The following TRIO variants were observed in gnomAD, a reference collection of about 807,000 sequenced individuals.
TRIO encodes the protein trio Rho guanine nucleotide exchange factor.
In TRIO, 58 loss-of-function variants were observed where a neutral mutation model predicts 351.9. That is an observed-to-expected ratio of 0.16 (90% confidence interval 0.13 to 0.21). TRIO has a LOEUF of 0.21. TRIO is among the 10% of genes least tolerant of loss of function. The probability of loss-of-function intolerance (pLI) is 1.00; values close to 1 mark genes in which losing one functional copy is unlikely to be tolerated. For missense variants in TRIO, 3,201 were observed against 4,027.8 expected, an observed-to-expected ratio of 0.79 and a Z score of 5.56; for synonymous variants, 1,758 against 1,595.7, an observed-to-expected ratio of 1.10 and a Z score of -2.42.
Position 14,472,573 on chromosome 5 carries a change from CAA to C in TRIO, c.5913-18_5913-17del. 6.2e-7 allele frequency: 1 copy of C among 1,613,286 alleles called. No homozygotes were observed. Among genetic ancestry groups the C allele is most frequent in the African/African-American group, 1.3e-5 (1 of 75,044 alleles). On this transcript the variant is annotated splice_polypyrimidine_tract_variant and intron_variant, in intron 38 of 56. Coordinates refer to ENST00000344204, the MANE Select transcript of TRIO (RefSeq NM_007118.4). ...TTTAGAAAACAGTTTGCATGATAAA[CAA>C]TATTTTTTCTCTCCAGCTACGTTTT...
At chr5:14,390,440 G>A in intron 26 of TRIO, 140 bp downstream of exon 26, 1 of 732,668 alleles carries the variant, frequency 1.4e-6, no homozygotes, top group Non-Finnish European at 2.2e-6. Flanking sequence ...TTACCTCAAA[G>A]AATTGCATAC....
chr5:14,200,968 A>C (rs112817802), intron 1 of TRIO, among the ~76,000 whole-genome samples: 11 of 152,306 alleles, frequency 7.2e-5, no homozygotes, highest in African/African-American at 2.6e-4. Flanking sequence ...ATAAAAAGAA[A>C]ACATTCTCGG....
chr5:14,274,061 A>G (rs1435011110), intron 2 of TRIO, among the ~76,000 whole-genome samples: 1 of 152,206 alleles, frequency 6.6e-6, no homozygotes, highest in South Asian at 2.1e-4. Flanking sequence ...AAATGTTATA[A>G]AAAACCGCTG....
chr5:14,494,864 A>G (rs1756758375), intron 49 of TRIO, among the ~76,000 whole-genome samples: 1 of 152,244 alleles, frequency 6.6e-6, no homozygotes, highest in Non-Finnish European at 1.5e-5. Flanking sequence ...ATGCCACTGC[A>G]CTCCAGCCTG....
chr5:14,282,519 T>C (rs1160809836), intron 3 of TRIO, among the ~76,000 whole-genome samples: 2 of 152,122 alleles, frequency 1.3e-5, no homozygotes, highest in South Asian at 2.1e-4. Flanking sequence ...TTAATTGATA[T>C]AGAAATTGGT....
At chr5:14,346,622 A>G (rs1742440845) in intron 11 of TRIO, among the ~76,000 whole-genome samples, 1 of 152,242 alleles carries the variant, frequency 6.6e-6, no homozygotes. Context: ...CTGGTCAGGA[A>G]AAGTGAATGA....
At chr5:14,192,133 T>A (rs1483762549) in intron 1 of TRIO, among the ~76,000 whole-genome samples, 1 of 152,206 alleles carries the variant, frequency 6.6e-6, no homozygotes, top group Admixed American at 6.5e-5. Context: ...CAGATTGCAT[T>A]GAGCCATATA....
At chr5:14,308,603 C>T (rs543669929) in intron 8 of TRIO, among the ~76,000 whole-genome samples, 3 of 151,228 alleles carry the variant, frequency 2.0e-5, no homozygotes, top group Admixed American at 6.6e-5. Context: ...TTCATTGATG[C>T]GTTCATTCAT....
At chr5:14,278,113 T>C (rs1376130423) in intron 2 of TRIO, among the ~76,000 whole-genome samples, 2 of 152,214 alleles carry the variant, frequency 1.3e-5, no homozygotes, top group African/African-American at 2.4e-5. Context: ...CCTAAGCAGA[T>C]GAACTTGGTA....
At chr5:14,355,755 A>T (rs1339704790) in intron 11 of TRIO, among the ~76,000 whole-genome samples, 1 of 152,252 alleles carries the variant, frequency 6.6e-6, no homozygotes, top group Non-Finnish European at 1.5e-5. Flanking sequence ...CTTATTGATG[A>T]TAAAGCCTTT....
chr5:14,341,442 G>A (rs1452095735), intron 11 of TRIO, among the ~76,000 whole-genome samples: 1 of 152,160 alleles, frequency 6.6e-6, no homozygotes, highest in African/African-American at 2.4e-5. Flanking sequence ...ATTCCTTGAA[G>A]CCCAGGACCA....
intron 2 of TRIO, among the ~76,000 whole-genome samples, chr5:14,279,545 C>A (rs1279769247): frequency 6.6e-6 from 1 of 152,078 alleles, no homozygotes; most frequent in Non-Finnish European, 1.5e-5. Context: ...TCCTGACAAC[C>A]CCGATGGAAG....
At chr5:14,280,135 G>T (rs1230475185) in intron 2 of TRIO, among the ~76,000 whole-genome samples, 187 bp from the exon 3 acceptor site, 1 of 152,326 alleles carries the variant, frequency 6.6e-6, no homozygotes, top group East Asian at 1.9e-4. Context: ...GCAGAGCTCA[G>T]AGATTTTCTC....
chr5:14,203,018 G>A (rs571715350), intron 1 of TRIO, among the ~76,000 whole-genome samples: 2 of 151,920 alleles, frequency 1.3e-5, no homozygotes, highest in Admixed American at 6.6e-5. Flanking sequence ...AGCTATTATC[G>A]TTTGAGCCAT....
chr5:14,295,705 T>C lies in TRIO; in HGVS notation c.1177-1367T>C, dbSNP rs1378887108. On this transcript the variant is annotated intron_variant, in intron 6 of 56. Coordinates refer to ENST00000344204, the MANE Select transcript of TRIO (RefSeq NM_007118.4). ...AGGAGGGAGGAAAAGAGAGAAAGAA[T>C]GCACTTGGGAATGGGAGGCCTTGCT... is the stretch of plus-strand genomic sequence containing the variant. Among the ~76,000 whole-genome samples the C allele has an allele frequency of 3.9e-5, 6 of 152,326 alleles. No homozygotes were observed. The East Asian group carries it at 9.6e-4, about 24-fold the overall frequency.
rs572666630 is a variant in TRIO at position 14,358,219 on chromosome 5, C to G, written c.2088C>G (p.Asp696Glu). 2.5e-6 allele frequency: 4 copies of G among 1,613,946 alleles called. No homozygotes were observed. The highest frequency in any genetic ancestry group is 2.5e-6 in the Non-Finnish European group (3 of 1,179,828). The change falls in exon 12 of 57, where the codon GAC (aspartate) becomes GAG (glutamate). Residue 696 changes from aspartate to glutamate, a missense_variant. By Grantham distance (45) the Asp-to-Glu change is conservative. Around this residue, in one of 19 missense-constraint regions of TRIO, gnomAD observed 363 missense variants for 553.5 expected, o/e 0.66. Transcript: ENST00000344204. ...WLEELQKELL[D>E]DVYAESVEAV... The stretch of plus-strand genomic sequence containing the variant: ...AGGAGCTGCAGAAGGAGCTGCTGGA[C>G]GACGTGTATGCCGAGTCGGTGGAGG...
chr5:14,498,184 T>A lies in TRIO; in HGVS notation c.8143T>A (p.Ser2715Thr). The A allele has an allele frequency of 6.2e-7, 1 of 1,614,114 alleles. No individual in the cohort carries two copies. The highest frequency in any genetic ancestry group is 1.1e-5 in the South Asian group (1 of 91,078). The change falls in exon 52 of 57, where the codon TCA becomes ACA. Residue 2715 changes from serine (S) to threonine (T), a missense_variant. Ser to Thr is a moderately conservative substitution (Grantham distance 58, BLOSUM62 1). Around this residue, in one of 19 missense-constraint regions of TRIO, gnomAD observed 1,089 missense variants for 954.9 expected, o/e 1.14. Coordinates refer to ENST00000344204, the MANE Select transcript of TRIO (RefSeq NM_007118.4). ...TCGAGTCTGTGGCCGCCCCAAAGCC[T>A]CAATTACCTGGAAGGGCCCTGAACA... is the stretch of plus-strand genomic sequence containing the variant. ...RCRVCGRPKASITWKGPEHNT... is the reference protein window; with the variant it reads ...RCRVCGRPKATITWKGPEHNT...
chr5:14,392,692 A>G (rs1747198228), intron 27 of TRIO, among the ~76,000 whole-genome samples: 1 of 152,228 alleles, frequency 6.6e-6, no homozygotes, highest in Admixed American at 6.5e-5. Flanking sequence ...CCCATCAATG[A>G]TAGACTGGAT....
intron 1 of TRIO, among the ~76,000 whole-genome samples, chr5:14,262,381 G>A (rs760249518): frequency 3.3e-5 from 5 of 152,064 alleles, no homozygotes; most frequent in Non-Finnish European, 5.9e-5. Context: ...TGGCTTCCCT[G>A]CAGGTAATTG....
Sources: gnomAD v4.1 joint callset for allele counts (sites outside exome capture counted in the v4.1 genomes callset) on GRCh38, gnomAD v4.1.1 for gene constraint, gnomAD v4.1.1 regional missense constraint, MANE v1.5 for transcripts, NCBI Gene and HGNC (gene_info 2026-07-23, HGNC 2026-07-21) for gene names.